Variants in USH1C observed in about 807,000 individuals in gnomAD.
The protein encoded by USH1C is harmonin.
In USH1C, 90 loss-of-function variants were observed where a neutral mutation model predicts 119.3. The ratio of observed to expected loss-of-function variants is 0.75; its 90% CI spans 0.64 to 0.90. USH1C has a LOEUF of 0.90. Among genes scored for constraint, USH1C ranks in the 40% least tolerant of loss-of-function variants. The pLI, the probability that USH1C is intolerant of heterozygous loss-of-function variation, is 0.00. For missense variants in USH1C, 1,165 were observed against 1,167.7 expected, an observed-to-expected ratio of 1.00 and a Z score of 0.03; for synonymous variants, 465 against 443.3, an observed-to-expected ratio of 1.05 and a Z score of -0.62.
chr11:17,508,479 C>T (rs898089930), intron 18 of USH1C, among the ~76,000 whole-genome samples: 2 of 152,150 alleles, frequency 1.3e-5, no homozygotes, highest in Non-Finnish European at 2.9e-5. Flanking sequence ...CCTCAGCAAC[C>T]CCTGCTACCC....
At chr11:17,526,715 C>A (rs1850692972) in intron 7 of USH1C, 38 bp downstream of exon 7, 2 of 1,606,744 alleles carry the variant, frequency 1.2e-6, no homozygotes, top group Non-Finnish European at 8.5e-7. Context: ...TTGAAGATGA[C>A]CCCACCCAAA....
chr11:17,522,644 C>G (rs1024053874), intron 12 of USH1C, 140 bp downstream of exon 12: 2 of 1,311,006 alleles, frequency 1.5e-6, no homozygotes, highest in Non-Finnish European at 2.2e-6. Context: ...GACCTACCAC[C>G]AAACTCATCT....
intron 8 of USH1C, among the ~76,000 whole-genome samples, chr11:17,524,981 A>T (rs1405103400): frequency 6.6e-6 from 1 of 152,102 alleles, no homozygotes; most frequent in Non-Finnish European, 1.5e-5. Context: ...AGCTGCGACT[A>T]CAGGTGTGCA....
intron 8 of USH1C, 79 bp downstream of exon 8, chr11:17,526,268 C>G (rs1177906375): frequency 8.3e-7 from 1 of 1,210,450 alleles, no homozygotes; most frequent in Non-Finnish European, 1.2e-6. Context: ...TCGGAAGTGG[C>G]AGTGAGGAAG....
chr11:17,520,463 G>C (rs1850360490), intron 14 of USH1C, among the ~76,000 whole-genome samples: 1 of 152,166 alleles, frequency 6.6e-6, no homozygotes, highest in South Asian at 2.1e-4. Context: ...TCTCTGATGT[G>C]AGGTCCTTCC....
rs1197563731 is a variant in USH1C, at chr11:17,523,257, A to C, written c.830T>G (p.Val277Gly). 1.5e-5 allele frequency: 24 copies of C among 1,614,174 alleles called. No individual in the cohort carries two copies. Among genetic ancestry groups the C allele is most frequent in the Non-Finnish European group, 1.9e-5 (23 of 1,180,010 alleles). The change falls in exon 11 of 27, where the codon GTG becomes GGG. Residue 277 changes from valine to glycine, a missense_variant. Val to Gly is a moderately radical substitution (Grantham distance 109). Coordinates refer to ENST00000005226, the MANE Select transcript of USH1C (RefSeq NM_153676.4). ...SNLDHKEAVN[V>G]LKSSRSLTIS... ...GGTCAGGCTGCGGCTACTCTTCAGC[A>C]CATTTACAGCCTGTGGGGACAGAAG... is the stretch of plus-strand genomic sequence containing the variant.
At chr11:17,533,647 G>T in intron 1 of USH1C, 5 of 510,392 alleles carry the variant, frequency 9.8e-6, no homozygotes, top group Non-Finnish European at 1.5e-5. Context: ...ACAGTGACAC[G>T]CTGCCATGGC....
At chr11:17,530,797 C>T (rs998285171) in intron 4 of USH1C, among the ~76,000 whole-genome samples, 1 of 152,234 alleles carries the variant, frequency 6.6e-6, no homozygotes, top group Non-Finnish European at 1.5e-5. Context: ...ACCAGGCTTT[C>T]TTTCCCCCTG....
Position 17,532,935 on chromosome 11 carries a change from C to A in USH1C, c.104+320G>T, listed in dbSNP as rs573626075. On this transcript the variant is annotated intron_variant, in intron 2 of 26. Coordinates refer to ENST00000005226, the MANE Select transcript of USH1C (RefSeq NM_153676.4). ...TGATGCAAGGGCTGTGGCCAGCTGG[C>A]ATTTCTTGTTCTGTCCCAACAATCA... Among the ~76,000 whole-genome samples the A allele has an allele frequency of 1.6e-4, 24 of 152,258 alleles. No homozygotes were observed. In the East Asian group the frequency reaches 4.4e-3, roughly 28 times the overall value.
intron 14 of USH1C, chr11:17,517,513 G>T (rs1230268199): frequency 6.4e-7 from 1 of 1,557,502 alleles, no homozygotes; most frequent in Admixed American, 1.9e-5. Context: ...TGAACCAAAA[G>T]GGACTTGGGA....
Position 17,495,740 on chromosome 11 carries a change from A to G in USH1C, c.2547-63T>C, listed in dbSNP as rs1245975210. 1.9e-6 allele frequency: 3 copies of G among 1,554,740 alleles called. No individual in the cohort carries two copies. The African/African-American group carries it at 4.1e-5, about 21-fold the overall frequency. On this transcript the variant is annotated intron_variant, in intron 25 of 26. Transcript: ENST00000005226. ...CTTGGTTACTCCCAGGCAGAGCTCC[A>G]TGGGGCTTCTCCTTTCACTGGGCTC... is the stretch of plus-strand genomic sequence containing the variant.
At chr11:17,511,521 G>C (rs990442698) in intron 16 of USH1C, among the ~76,000 whole-genome samples, 21 of 152,144 alleles carry the variant, frequency 1.4e-4, no homozygotes, top group African/African-American at 5.1e-4. Flanking sequence ...AGACTCTGGT[G>C]GGGTAGAGTG....
At chr11:17,509,878 C>T (rs1206210702) in intron 17 of USH1C, 40 bp from the exon 18 acceptor site, 2 of 1,569,432 alleles carry the variant, frequency 1.3e-6, no homozygotes, top group Non-Finnish European at 1.7e-6. Flanking sequence ...TGTCACTCTG[C>T]TTAGAGCTCC....
intron 1 of USH1C, among the ~76,000 whole-genome samples, chr11:17,539,744 G>T (rs964245000): frequency 4.0e-5 from 6 of 150,782 alleles, no homozygotes; most frequent in African/African-American, 1.2e-4. Context: ...TTTTTCTTTT[G>T]CTTTCTTTCT....
intron 2 of USH1C, among the ~76,000 whole-genome samples, 187 bp downstream of exon 2, chr11:17,533,068 T>G (rs1376133525): frequency 3.3e-5 from 5 of 152,148 alleles, no homozygotes; most frequent in Admixed American, 3.3e-4. Context: ...CAGCCCCTAG[T>G]ACAAAGCCAA....
At chr11:17,497,489 T>C (rs1365060186) in intron 24 of USH1C, among the ~76,000 whole-genome samples, 1 of 152,172 alleles carries the variant, frequency 6.6e-6, no homozygotes, top group African/African-American at 2.4e-5. Flanking sequence ...ATGCAGACCT[T>C]CAGATAATCA....
chr11:17,514,450 C>T (rs953260590), intron 15 of USH1C: 9 of 152,232 alleles, frequency 5.9e-5, no homozygotes, highest in African/African-American at 1.9e-4. Context: ...AACTCCCAAC[C>T]TCACGTGATT....
At chr11:17,539,584 C>A (rs948142448) in intron 1 of USH1C, among the ~76,000 whole-genome samples, 29 of 152,162 alleles carry the variant, frequency 1.9e-4, no homozygotes, top group African/African-American at 6.5e-4. Context: ...GACATAAATT[C>A]TATATCCACA....
intron 1 of USH1C, among the ~76,000 whole-genome samples, chr11:17,544,000 C>T (rs1488203072): frequency 2.0e-5 from 3 of 152,214 alleles, no homozygotes; most frequent in Non-Finnish European, 4.4e-5. Context: ...AATTCAAACC[C>T]CAGAGACGTC....
Sources: allele counts gnomAD v4.1 joint callset (sites outside exome capture counted in the v4.1 genomes callset), GRCh38; gene constraint gnomAD v4.1.1; transcripts MANE v1.5; gene names NCBI Gene and HGNC (gene_info 2026-07-23, HGNC 2026-07-21).